SPOCK3: variants seen among roughly 807,000 people sequenced by gnomAD.
SPOCK3 encodes SPARC (osteonectin), cwcv and kazal like domains proteoglycan 3.
Under a neutral mutation model 56.6 loss-of-function variants are expected in SPOCK3, and 30 were observed. That is an observed-to-expected ratio of 0.53 (90% CI 0.40 to 0.72). The LOEUF is 0.72. Ranked by LOEUF, SPOCK3 falls within the 30% of genes least tolerant of loss-of-function variation. The pLI is 0.00. For synonymous variants in SPOCK3, 196 were observed against 183.3 expected, an observed-to-expected ratio of 1.07 and a Z score of -0.56; for missense variants, 527 against 530.0, an observed-to-expected ratio of 0.99 and a Z score of 0.06.
chr4:167,032,799 A>C (rs1752397606), intron 3 of SPOCK3, among the ~76,000 whole-genome samples: 1 of 152,004 alleles, frequency 6.6e-6, no homozygotes. Context: ...CAATTCTAAA[A>C]ATTATAAGCT....
chr4:167,103,566 T>G (rs763560116), intron 2 of SPOCK3, among the ~76,000 whole-genome samples: 1 of 152,118 alleles, frequency 6.6e-6, no homozygotes, highest in Non-Finnish European at 1.5e-5. Flanking sequence ...CCATCTTACC[T>G]TCAATAAAAT....
chr4:166,799,326 C>T (rs1742298611), intron 6 of SPOCK3, among the ~76,000 whole-genome samples: 1 of 152,142 alleles, frequency 6.6e-6, no homozygotes, highest in Admixed American at 6.5e-5. Context: ...ACTTTCATCC[C>T]AATATCAAAG....
chr4:167,179,010 T>G (rs917862049), intron 2 of SPOCK3, among the ~76,000 whole-genome samples: 1 of 152,172 alleles, frequency 6.6e-6, no homozygotes, highest in Non-Finnish European at 1.5e-5. Flanking sequence ...CAGTTATTTC[T>G]TTTCCAGAAT....
intron 3 of SPOCK3, among the ~76,000 whole-genome samples, chr4:167,055,480 G>A (rs367923265): frequency 3.1e-4 from 47 of 152,262 alleles, no homozygotes; most frequent in Non-Finnish European, 6.6e-4. Context: ...CACCGTGCGC[G>A]AGCCAAAGCA....
chr4:166,997,592 A>G (rs1219677004), intron 4 of SPOCK3, among the ~76,000 whole-genome samples: 1 of 152,168 alleles, frequency 6.6e-6, no homozygotes, highest in Non-Finnish European at 1.5e-5. Context: ...GAAAACATGT[A>G]CTGAGCAGTA....
At chr4:167,219,762 T>C (rs1735722054) in intron 2 of SPOCK3, among the ~76,000 whole-genome samples, 1 of 152,184 alleles carries the variant, frequency 6.6e-6, no homozygotes, top group Admixed American at 6.6e-5. Flanking sequence ...AATTTAAAAA[T>C]AAATTACAGA....
intron 2 of SPOCK3, among the ~76,000 whole-genome samples, chr4:167,125,859 T>C (rs899098777): frequency 2.6e-5 from 4 of 152,204 alleles, no homozygotes; most frequent in Non-Finnish European, 5.9e-5. Flanking sequence ...TTCAACATCT[T>C]GGCTTCATTT....
intron 2 of SPOCK3, chr4:167,083,238 C>A: frequency 1.3e-6 from 1 of 765,414 alleles, no homozygotes; most frequent in Non-Finnish European, 2.4e-6. Context: ...CAAAGCAAAC[C>A]TCTACTTCCT....
chr4:166,997,925 A>G (rs1351569066), intron 4 of SPOCK3, among the ~76,000 whole-genome samples: 1 of 152,266 alleles, frequency 6.6e-6, no homozygotes, highest in Non-Finnish European at 1.5e-5. Context: ...ATGCAAATGG[A>G]CAAAAATTGA....
chr4:167,084,136 GC>G (rs939273769), intron 2 of SPOCK3, among the ~76,000 whole-genome samples: 5 of 151,962 alleles, frequency 3.3e-5, no homozygotes, highest in African/African-American at 1.2e-4. Context: ...ATGTACAAGA[GC>G]ACCTAATATT....
At chr4:166,806,010 C>T (rs1410007990) in intron 6 of SPOCK3, among the ~76,000 whole-genome samples, 1 of 151,958 alleles carries the variant, frequency 6.6e-6, no homozygotes, top group African/African-American at 2.4e-5. Context: ...ATACTCCATA[C>T]ACTGGATTCA....
intron 3 of SPOCK3, among the ~76,000 whole-genome samples, chr4:167,037,560 A>G (rs1752874644): frequency 6.6e-6 from 1 of 152,122 alleles, no homozygotes; most frequent in Non-Finnish European, 1.5e-5. Context: ...TGAAATATCT[A>G]AAAGCATCTT....
At chr4:167,023,848 T>C (rs1043885666) in intron 3 of SPOCK3, among the ~76,000 whole-genome samples, 1 of 152,050 alleles carries the variant, frequency 6.6e-6, no homozygotes, top group Non-Finnish European at 1.5e-5. Context: ...ATCCCCCTAA[T>C]GCAAAGCCAG....
chr4:166,785,162 C>G (rs1036875138), intron 7 of SPOCK3, among the ~76,000 whole-genome samples: 1 of 152,002 alleles, frequency 6.6e-6, no homozygotes, highest in Non-Finnish European at 1.5e-5. Context: ...AACTTCTTAT[C>G]GTAAAACATA....
At chr4:166,914,018 G>T (rs1003182147) in intron 4 of SPOCK3, among the ~76,000 whole-genome samples, 1 of 151,588 alleles carries the variant, frequency 6.6e-6, no homozygotes, top group Non-Finnish European at 1.5e-5. Context: ...GGGCTATTCT[G>T]TAACACTTCA....
chr4:167,021,548 C>T (rs1751172768), intron 3 of SPOCK3, among the ~76,000 whole-genome samples: 1 of 151,898 alleles, frequency 6.6e-6, no homozygotes, highest in South Asian at 2.1e-4. Flanking sequence ...GAAGGCTAAA[C>T]AGGGGAATGA....
At chr4:166,921,377 G>A (rs1274605229) in intron 4 of SPOCK3, among the ~76,000 whole-genome samples, 1 of 148,090 alleles carries the variant, frequency 6.8e-6, no homozygotes, top group Non-Finnish European at 1.5e-5. Context: ...AGGCTGGAGT[G>A]CAGTGGCACA....
At chr4:166,961,218 A>C (rs1471410044) in intron 4 of SPOCK3, among the ~76,000 whole-genome samples, 1 of 151,292 alleles carries the variant, frequency 6.6e-6, no homozygotes, top group Non-Finnish European at 1.5e-5. Context: ...TTTAAAAAAA[A>C]CCTTTAAATA....
chr4:167,018,139 G>T (rs901363793), intron 3 of SPOCK3, among the ~76,000 whole-genome samples: 3 of 152,022 alleles, frequency 2.0e-5, no homozygotes, highest in Non-Finnish European at 4.4e-5. Context: ...AAATGATCTT[G>T]ATTAATAGAG....
Sources: gnomAD v4.1 joint callset for allele counts (sites outside exome capture counted in the v4.1 genomes callset) on GRCh38, gnomAD v4.1.1 for gene constraint, MANE v1.5 for transcripts, NCBI Gene and HGNC (gene_info 2026-07-23, HGNC 2026-07-21) for gene names.